RAB27B: variants seen among roughly 807,000 people sequenced by gnomAD.
RAB27B encodes the protein RAB27B, member RAS oncogene family.
Under a neutral mutation model 24.6 loss-of-function variants are expected in RAB27B, and 15 were observed. The observed-to-expected ratio is 0.61, with a 90% CI of 0.41 to 0.94. RAB27B has a LOEUF of 0.94. Ranked by LOEUF, RAB27B falls within the 40% of genes least tolerant of loss-of-function variation. The probability of loss-of-function intolerance (pLI) is 0.00; values close to 1 mark genes in which losing one functional copy is unlikely to be tolerated. For synonymous variants in RAB27B, 105 were observed against 92.5 expected (o/e 1.14, Z -0.78); for missense variants, 261 against 266.8 (o/e 0.98, Z 0.15).
chr18:54,779,718 TA>T (rs1022305058), intron 2 of RAB27B, among the ~76,000 whole-genome samples: 1 of 152,216 alleles, frequency 6.6e-6, no homozygotes, highest in Non-Finnish European at 1.5e-5. Flanking sequence ...GGGTCCCACC[TA>T]AGACCTATTG....
chr18:54,806,681 T>C (rs1481869745), intron 2 of RAB27B, among the ~76,000 whole-genome samples: 1 of 151,426 alleles, frequency 6.6e-6, no homozygotes, highest in African/African-American at 2.4e-5. Flanking sequence ...CAGGATGTTA[T>C]GTTAGTTACT....
rs188267887 is a variant in RAB27B at position 54,872,525 on chromosome 18, T to C, written c.-19-5042T>C. 4.0e-3 allele frequency among the ~76,000 whole-genome samples: 597 copies of C among 150,416 alleles called. 4 individuals carry two copies. Among genetic ancestry groups the C allele is most frequent in the African/African-American group, 0.014 (569 of 40,230 alleles). On this transcript the variant is annotated intron_variant, in intron 1 of 5. Transcript: ENST00000262094. ...CTGTAATCCCAGCTACTCAGGAGGCTGAGACAGGAGAATGGCTTTAACTCG... is the reference window on the plus strand; with the variant it reads ...CTGTAATCCCAGCTACTCAGGAGGCCGAGACAGGAGAATGGCTTTAACTCG...
chr18:54,718,979 T>C (rs1035052489), intron 2 of RAB27B, among the ~76,000 whole-genome samples: 8 of 152,172 alleles, frequency 5.3e-5, no homozygotes, highest in Admixed American at 3.9e-4. Context: ...CAAAATGTAA[T>C]AGGCAAGTGT....
At chr18:54,803,238 A>G (rs1452054829) in intron 2 of RAB27B, among the ~76,000 whole-genome samples, 2 of 152,182 alleles carry the variant, frequency 1.3e-5, no homozygotes, top group African/African-American at 4.8e-5. Context: ...CAGATAAGGC[A>G]GTAGGAAGTC....
intron 1 of RAB27B, among the ~76,000 whole-genome samples, chr18:54,869,515 G>T (rs1406315475): frequency 1.3e-5 from 2 of 152,164 alleles, no homozygotes; most frequent in Non-Finnish European, 2.9e-5. Flanking sequence ...CACAGCACTT[G>T]TCTTTTAGTG....
intron 2 of RAB27B, among the ~76,000 whole-genome samples, chr18:54,771,480 C>T (rs556708156): frequency 2.6e-5 from 4 of 152,052 alleles, no homozygotes; most frequent in Non-Finnish European, 5.9e-5. Context: ...ACACTGGACA[C>T]ATTCATTTTG....
upstream of RAB27B, among the ~76,000 whole-genome samples, chr18:54,826,949 C>A (rs1025614236): frequency 1.3e-5 from 2 of 152,142 alleles, no homozygotes; most frequent in East Asian, 1.9e-4. Context: ...AACACATGAA[C>A]TAGATAAAGA....
chr18:54,723,815 A>G (rs1909438632), intron 2 of RAB27B, among the ~76,000 whole-genome samples: 1 of 152,228 alleles, frequency 6.6e-6, no homozygotes, highest in Non-Finnish European at 1.5e-5. Context: ...CAAATTATTT[A>G]CAACTTTGTT....
Position 54,733,653 on chromosome 18 carries a change from C to T in RAB27B, c.-20+15512C>T, listed in dbSNP as rs546864261. On this transcript the variant is annotated intron_variant, in intron 2 of 4. Transcript: ENST00000586570. ...AGGTGAAATCTTCTGTTCTAGAGCC[C>T]CCCCCCCCCAAATTTGCTAAGCTCC... 3.3e-4 allele frequency among the ~76,000 whole-genome samples: 40 copies of T among 122,628 alleles called. 2 individuals carry two copies. The South Asian group carries it at 0.013, about 39-fold the overall frequency. 80.4% of individuals were successfully genotyped at this position (122,628 alleles called of 152,430 possible). A position where few individuals can be genotyped will look rare whatever the true frequency, so the allele number is the denominator to read the frequency against.
intron 2 of RAB27B, among the ~76,000 whole-genome samples, chr18:54,798,670 C>T (rs1172724022): frequency 6.6e-6 from 1 of 152,210 alleles, no homozygotes; most frequent in African/African-American, 2.4e-5. Context: ...CGTTTCAAAG[C>T]ACTACTTAAT....
chr18:54,719,280 A>T (rs576668062), intron 2 of RAB27B, among the ~76,000 whole-genome samples: 1 of 152,270 alleles, frequency 6.6e-6, no homozygotes, highest in East Asian at 1.9e-4. Flanking sequence ...GTGTTTAGGT[A>T]TCAAAGTTTT....
chr18:54,867,896 A>G (rs2145252040), intron 1 of RAB27B, among the ~76,000 whole-genome samples: 1 of 152,330 alleles, frequency 6.6e-6, no homozygotes, highest in Admixed American at 6.5e-5. Flanking sequence ...AAACCTCAGT[A>G]GTGCAAATGA....
At chr18:54,840,325 C>T (rs1911059648) in intron 1 of RAB27B, among the ~76,000 whole-genome samples, 1 of 152,140 alleles carries the variant, frequency 6.6e-6, no homozygotes, top group Non-Finnish European at 1.5e-5. Context: ...GATTTGTTGG[C>T]CAGTCTTTCT....
At chr18:54,799,930 G>A (rs528082711) in intron 2 of RAB27B, among the ~76,000 whole-genome samples, 1 of 152,226 alleles carries the variant, frequency 6.6e-6, no homozygotes, top group South Asian at 2.1e-4. Flanking sequence ...ACAGGTGTAA[G>A]CCACTGTGCC....
intron 3 of RAB27B, among the ~76,000 whole-genome samples, chr18:54,883,075 G>C (rs1912992351): frequency 6.6e-6 from 1 of 151,556 alleles, no homozygotes; most frequent in Non-Finnish European, 1.5e-5. Context: ...AAGGAGGAAG[G>C]GATCATGGCA....
intron 2 of RAB27B, among the ~76,000 whole-genome samples, chr18:54,790,860 T>C (rs1239340278): frequency 6.6e-6 from 1 of 152,192 alleles, no homozygotes; most frequent in East Asian, 1.9e-4. Flanking sequence ...AGCCTTAATT[T>C]TGAACCATGC....
chr18:54,730,377 GC>G (rs1909690944), intron 2 of RAB27B, among the ~76,000 whole-genome samples: 1 of 152,120 alleles, frequency 6.6e-6, no homozygotes, highest in Non-Finnish European at 1.5e-5. Flanking sequence ...ATGGTTCTCC[GC>G]CAATGCCCTC....
chr18:54,890,417 T>C lies in RAB27B; in HGVS notation c.*1004T>C, dbSNP rs1193542791. 1.3e-5 allele frequency: 2 copies of C among 152,192 alleles called. No homozygotes were observed. Among genetic ancestry groups the C allele is most frequent in the African/African-American group, 4.8e-5 (2 of 41,454 alleles). 9.4% of individuals were successfully genotyped at this position (152,192 alleles called of 1,614,324 possible). Reference sequence around the variant, plus strand: ...AGTCAAGGAAAACTAGCCTTGAATTTTTTTTAGATAAAATAAGATGGTGAT... The same window carrying C: ...AGTCAAGGAAAACTAGCCTTGAATTCTTTTTAGATAAAATAAGATGGTGAT... On this transcript the variant is annotated 3_prime_UTR_variant, in exon 6 of 6. Coordinates refer to ENST00000262094, the MANE Select transcript of RAB27B (RefSeq NM_004163.4).
chr18:54,736,325 G>A (rs1376063848), intron 2 of RAB27B, among the ~76,000 whole-genome samples: 2 of 152,102 alleles, frequency 1.3e-5, no homozygotes, highest in Non-Finnish European at 2.9e-5. Flanking sequence ...GTGCAGTAAG[G>A]AAATACAACA....
Sources: allele counts gnomAD v4.1 joint callset (sites outside exome capture counted in the v4.1 genomes callset), GRCh38; gene constraint gnomAD v4.1.1; transcripts MANE v1.5; gene names NCBI Gene and HGNC (gene_info 2026-07-23, HGNC 2026-07-21).